The following COQ2 variants were observed in gnomAD, a reference collection of about 807,000 sequenced individuals.
COQ2 encodes the protein coenzyme Q2, polyprenyltransferase, also known as 4-hydroxybenzoate polyprenyltransferase, mitochondrial.
COQ2 carries 25 observed loss-of-function variants against 35.7 expected under a neutral mutation model. That is an observed-to-expected ratio of 0.70 (90% CI 0.51 to 0.98). The LOEUF (loss-of-function observed/expected upper bound fraction) is 0.98. COQ2 is among the 50% of genes least tolerant of loss of function. The pLI, the probability that COQ2 is intolerant of heterozygous loss-of-function variation, is 0.00. For missense variants in COQ2, 488 were observed against 473.5 expected (o/e 1.03, Z -0.28); for synonymous variants, 206 against 186.2 (o/e 1.11, Z -0.86).
chr4:83,269,865 G>T lies in COQ2; in HGVS notation c.757C>A (p.His253Asn). 1 of 1,566,018 alleles carries T rather than the reference G, an allele frequency of 6.4e-7. No individual in the cohort carries two copies. The highest frequency in any genetic ancestry group is 8.6e-7 in the Non-Finnish European group (1 of 1,158,880). The change falls in exon 5 of 7, where the codon CAT becomes AAT. Residue 253 changes from histidine (H) to asparagine (N), a missense_variant. Physicochemically the swap from His to Asn is moderately conservative, Grantham distance 68. Coordinates refer to ENST00000647002, the MANE Select transcript of COQ2 (RefSeq NM_001358921.2). ...WTLIYDTIYAHQDKRDDVLIG... is the reference protein window; with the variant it reads ...WTLIYDTIYANQDKRDDVLIG... ...AGAAAAGATAATTTCTTTACCTGAT[G>T]GGCATAAATAGTATCATATATTAGT...
In COQ2 at chr4:83,284,612, C is replaced by T. The variant is rs2126177069; in HGVS notation, c.153G>A (p.Pro51=). 2 of 1,529,926 alleles carry T rather than the reference C, an allele frequency of 1.3e-6. No homozygotes were observed. The highest frequency in any genetic ancestry group is 2.6e-5 in the East Asian group (1 of 38,000). 94.8% of individuals were successfully genotyped at this position (1,529,926 alleles called of 1,614,324 possible). The change falls in exon 1 of 7, where the codon CCG becomes CCA. Residue 51 remains proline, a synonymous_variant. Coordinates refer to ENST00000647002, the MANE Select transcript of COQ2 (RefSeq NM_001358921.2). ...GDLQPPACPE[P]RGRQLSLSAA... ...CGGACAAACTGAGCTGGCGCCCGCG[C>T]GGCTCGGGACAGGCGGGGGGCTGCA...
chr4:83,283,296 C>T, intron 1 of COQ2: 2 of 985,442 alleles, frequency 2.0e-6, no homozygotes, highest in Non-Finnish European at 2.4e-6. Flanking sequence ...TGGCAAATGT[C>T]ATCATCTAGA....
chr4:83,270,527 C>T (rs1735024395), intron 4 of COQ2, among the ~76,000 whole-genome samples: 1 of 152,192 alleles, frequency 6.6e-6, no homozygotes, highest in African/African-American at 2.4e-5. Context: ...GATAACTCTC[C>T]TAAGCTCCAG....
intron 5 of COQ2, among the ~76,000 whole-genome samples, chr4:83,268,790 G>A (rs554936440): frequency 6.6e-6 from 1 of 152,294 alleles, no homozygotes; most frequent in South Asian, 2.1e-4. Flanking sequence ...AAATGTAGCA[G>A]GGCATAGGGG....
At chr4:83,279,762 C>A (rs558900499) in intron 1 of COQ2, among the ~76,000 whole-genome samples, 1 of 151,908 alleles carries the variant, frequency 6.6e-6, no homozygotes, top group East Asian at 1.9e-4. Flanking sequence ...TACCCTGGCA[C>A]CTTCTGAATA....
Position 83,272,127 on chromosome 4 carries a change from T to C in COQ2, c.588A>G (p.Pro196=), listed in dbSNP as rs371835183. Residue 196 remains proline (P), a synonymous_variant, in exon 4 of 7, where the codon CCA becomes CCG. Coordinates refer to ENST00000647002, the MANE Select transcript of COQ2 (RefSeq NM_001358921.2). ...AGSLLLVITY[P]LMKRISYWPQ... is the part of the protein sequence containing the mutation. ...GCCAGTATGAAATTCTTTTCATTAG[T>C]GGGTAGGTGATGACAAGAAGTAAGG... 2 of 1,611,118 alleles carry C rather than the reference T, an allele frequency of 1.2e-6. No individual in the cohort carries two copies. The highest frequency in any genetic ancestry group is 1.7e-6 in the Non-Finnish European group (2 of 1,178,748).
chr4:83,283,334 C>T (rs1191547327), intron 1 of COQ2: 2 of 985,310 alleles, frequency 2.0e-6, no homozygotes, highest in Non-Finnish European at 2.4e-6. Flanking sequence ...TTCACTTCTT[C>T]CTCCACGCTA....
intron 1 of COQ2, chr4:83,283,124 G>A: frequency 4.0e-6 from 1 of 249,292 alleles, no homozygotes; most frequent in Non-Finnish European, 6.4e-6. Context: ...CATTCAGTAG[G>A]CTTTTATGCT....
chr4:83,278,536 CACTA>C (rs1249206524), intron 2 of COQ2, among the ~76,000 whole-genome samples: 1 of 152,174 alleles, frequency 6.6e-6, no homozygotes, highest in Non-Finnish European at 1.5e-5. Context: ...TTATAGGAAA[CACTA>C]ACAAGTGCTG....
chr4:83,274,168 T>A lies in COQ2; in HGVS notation c.421-551A>T, dbSNP rs558382124. Among the ~76,000 whole-genome samples the A allele has an allele frequency of 5.1e-3, 780 of 151,648 alleles. 2 individuals carry two copies. Among genetic ancestry groups the A allele is most frequent in the African/African-American group, 0.018 (739 of 41,364 alleles). ...ACCCTGTGTCAAATAAATAAATAAA[T>A]AAAAAACAAAGCAACTTCCTTATCA... is the stretch of plus-strand genomic sequence containing the variant. On this transcript the variant is annotated intron_variant, in intron 2 of 6. Transcript: ENST00000647002.
intron 1 of COQ2, chr4:83,283,169 C>A (rs1735367973): frequency 7.1e-6 from 4 of 563,540 alleles, no homozygotes; most frequent in Non-Finnish European, 9.0e-6. Context: ...GTGCTCTAAT[C>A]CCAAATAGGT....
chr4:83,265,529 C>T (rs977682949), intron 6 of COQ2, among the ~76,000 whole-genome samples: 1 of 152,076 alleles, frequency 6.6e-6, no homozygotes, highest in Non-Finnish European at 1.5e-5. Context: ...GAGCCAAGAT[C>T]GTGCCACTTC....
chr4:83,284,112 T>C (rs754134912), intron 1 of COQ2: 40 of 985,304 alleles, frequency 4.1e-5, no homozygotes, highest in Non-Finnish European at 4.6e-5. Context: ...GATCAAACAT[T>C]CTAATAAATG....
At chr4:83,275,784 T>C (rs1735152116) in intron 2 of COQ2, among the ~76,000 whole-genome samples, 4 of 152,090 alleles carry the variant, frequency 2.6e-5, no homozygotes, top group African/African-American at 9.6e-5. Flanking sequence ...TTCAGAATTT[T>C]GCAGTTTGCC....
intron 2 of COQ2, among the ~76,000 whole-genome samples, chr4:83,274,343 A>T (rs886600367): frequency 1.3e-5 from 2 of 151,986 alleles, no homozygotes; most frequent in Non-Finnish European, 2.9e-5. Context: ...ACAGGCATCC[A>T]CCACCACCCC....
chr4:83,277,876 G>C (rs1185181816), intron 2 of COQ2, among the ~76,000 whole-genome samples: 2 of 151,966 alleles, frequency 1.3e-5, no homozygotes, highest in Admixed American at 6.6e-5. Context: ...GGCTGAGGCA[G>C]GAGAATCGCT....
intron 3 of COQ2, 90 bp from the exon 4 acceptor site, chr4:83,272,262 A>C (rs1577986166): frequency 3.3e-6 from 2 of 612,188 alleles, no homozygotes; most frequent in Non-Finnish European, 2.8e-6. Flanking sequence ...AGTAATACTA[A>C]TTGGAAAATA....
At chr4:83,274,118 G>C (rs1486834145) in intron 2 of COQ2, among the ~76,000 whole-genome samples, 12 of 151,792 alleles carry the variant, frequency 7.9e-5, no homozygotes, top group Admixed American at 7.9e-4. Flanking sequence ...ATTGCACCAA[G>C]CTCTCCAGCA....
intron 6 of COQ2, among the ~76,000 whole-genome samples, chr4:83,266,141 G>C (rs2126170995): frequency 6.6e-6 from 1 of 152,212 alleles, no homozygotes; most frequent in South Asian, 2.1e-4. Flanking sequence ...AAATTCTGAA[G>C]GGAAAAATGG....
Sources: gnomAD v4.1 joint callset for allele counts (sites outside exome capture counted in the v4.1 genomes callset) on GRCh38, gnomAD v4.1.1 for gene constraint, MANE v1.5 for transcripts, NCBI Gene and HGNC (gene_info 2026-07-23, HGNC 2026-07-21) for gene names.